Variants in ANO4 observed in about 807,000 individuals in gnomAD.
ANO4 encodes the protein anoctamin 4.
Under a neutral mutation model 141.9 loss-of-function variants are expected in ANO4, and 69 were observed. That is an observed-to-expected ratio of 0.49 (90% CI 0.40 to 0.59). The LOEUF is 0.59. Among genes scored for constraint, ANO4 ranks in the 20% least tolerant of loss-of-function variants. The probability of loss-of-function intolerance (pLI) is 0.00; values close to 1 mark genes in which losing one functional copy is unlikely to be tolerated. For synonymous variants in ANO4, 350 were observed against 394.3 expected (o/e 0.89, Z 1.33); for missense variants, 894 against 1,162.2 (o/e 0.77, Z 3.36).
At chr12:101,025,907 T>G (rs2046715590) in intron 9 of ANO4, among the ~76,000 whole-genome samples, 1 of 152,186 alleles carries the variant, frequency 6.6e-6, no homozygotes, top group African/African-American at 2.4e-5. Flanking sequence ...AGCAAACTAC[T>G]AATAGAAATT....
chr12:100,971,918 C>T (rs767752096), intron 6 of ANO4, among the ~76,000 whole-genome samples: 7 of 151,576 alleles, frequency 4.6e-5, no homozygotes, highest in East Asian at 3.9e-4. Context: ...TTTGCAAACA[C>T]GAATATTGAT....
At chr12:100,746,533 TAGA>T (rs1408730063) in intron 3 of ANO4, among the ~76,000 whole-genome samples, 7 of 151,764 alleles carry the variant, frequency 4.6e-5, no homozygotes, top group Non-Finnish European at 7.4e-5. Flanking sequence ...AGATCCCACT[TAGA>T]AGAATGATTT....
At chr12:100,797,133 T>TAC (rs2034378581) in intron 1 of ANO4, among the ~76,000 whole-genome samples, 1 of 149,894 alleles carries the variant, frequency 6.7e-6, no homozygotes, top group Admixed American at 6.6e-5. Flanking sequence ...TGTGTGTGTA[T>TAC]ATATATATAT....
chr12:100,747,333 GA>G (rs1194672422), intron 3 of ANO4, among the ~76,000 whole-genome samples: 1 of 152,144 alleles, frequency 6.6e-6, no homozygotes, highest in Non-Finnish European at 1.5e-5. Flanking sequence ...CAAAGAGGAA[GA>G]TTTTTTTCCC....
intron 2 of ANO4, among the ~76,000 whole-genome samples, chr12:100,737,676 T>C (rs80144570): frequency 0.01 from 1,533 of 152,352 alleles, 34 homozygotes; most frequent in African/African-American, 0.034. Context: ...GTCTGTCCAG[T>C]GCAAAGCACT....
chr12:100,960,398 A>G (rs891495642), intron 5 of ANO4, among the ~76,000 whole-genome samples: 9 of 152,124 alleles, frequency 5.9e-5, no homozygotes, highest in African/African-American at 2.2e-4. Context: ...ATTTATTGAC[A>G]GTTTTGTATA....
chr12:101,026,778 A>G (rs1411232131), intron 9 of ANO4, among the ~76,000 whole-genome samples: 3 of 152,240 alleles, frequency 2.0e-5, no homozygotes, highest in Non-Finnish European at 4.4e-5. Context: ...TTAAAACCAT[A>G]AAAATTCTAG....
Position 100,934,260 on chromosome 12 carries a change from G to A in ANO4, c.161-5055G>A, listed in dbSNP as rs375743595. 3.3e-5 allele frequency among the ~76,000 whole-genome samples: 5 copies of A among 152,234 alleles called. No homozygotes were observed. In the East Asian group the frequency reaches 7.7e-4, roughly 24 times the overall value. On this transcript the variant is annotated intron_variant, in intron 3 of 27. Transcript: ENST00000392977. Reference sequence around the variant, plus strand: ...AACATTTCAATCTTTAATCCATCTTGAATTAATTTTTGTATAAGGTGTAAG... The same window carrying A: ...AACATTTCAATCTTTAATCCATCTTAAATTAATTTTTGTATAAGGTGTAAG...
At chr12:100,849,213 T>G (rs1049266335) in intron 1 of ANO4, among the ~76,000 whole-genome samples, 1 of 152,158 alleles carries the variant, frequency 6.6e-6, no homozygotes, top group African/African-American at 2.4e-5. Flanking sequence ...TTTACTAGAA[T>G]AGAAAAGAAC....
At chr12:100,803,104 G>T (rs992512807) in intron 1 of ANO4, among the ~76,000 whole-genome samples, 1 of 152,154 alleles carries the variant, frequency 6.6e-6, no homozygotes, top group Non-Finnish European at 1.5e-5. Context: ...CAAGACTAAA[G>T]TTGTCAGAAT....
intron 3 of ANO4, among the ~76,000 whole-genome samples, chr12:100,937,138 G>A (rs2042318350): frequency 6.6e-6 from 1 of 152,166 alleles, no homozygotes; most frequent in South Asian, 2.1e-4. Flanking sequence ...AATGTTAGAG[G>A]AAAAGGGCTC....
chr12:100,874,122 G>T (rs1350986982), intron 1 of ANO4, among the ~76,000 whole-genome samples: 1 of 152,264 alleles, frequency 6.6e-6, no homozygotes. Flanking sequence ...CTAGATTTCA[G>T]AGGATGTATG....
intron 1 of ANO4, among the ~76,000 whole-genome samples, chr12:100,803,066 G>A (rs1316819691): frequency 1.3e-5 from 2 of 152,096 alleles, no homozygotes; most frequent in East Asian, 1.9e-4. Flanking sequence ...AAAGTACTAC[G>A]GACATCAAAG....
intron 9 of ANO4, among the ~76,000 whole-genome samples, chr12:101,032,350 A>C (rs2136561095): frequency 6.6e-6 from 1 of 152,356 alleles, no homozygotes; most frequent in Admixed American, 6.5e-5. Context: ...CCTATTCAAT[A>C]AATGGTGCTG....
intron 17 of ANO4, among the ~76,000 whole-genome samples, chr12:101,089,546 A>G (rs888552055): frequency 2.6e-5 from 4 of 152,178 alleles, no homozygotes; most frequent in African/African-American, 9.7e-5. Context: ...GAAATTAACC[A>G]AACAGCCATA....
chr12:100,841,299 C>T (rs990709332), intron 1 of ANO4, among the ~76,000 whole-genome samples: 2 of 152,098 alleles, frequency 1.3e-5, no homozygotes, highest in African/African-American at 2.4e-5. Flanking sequence ...TGACATCCGC[C>T]AAAATTATAA....
chr12:100,970,659 C>CGCCTTCCTTCCTTCCTT (rs1566071629), intron 5 of ANO4, among the ~76,000 whole-genome samples: 2 of 113,636 alleles, frequency 1.8e-5, no homozygotes, highest in South Asian at 3.2e-4. Flanking sequence ...CTCCCTCCCT[C>CGCCTTCCTTCCTTCCTT]CCTCTCCTTC....
chr12:100,764,576 A>T (rs910280874), intron 3 of ANO4, among the ~76,000 whole-genome samples: 13 of 152,234 alleles, frequency 8.5e-5, no homozygotes, highest in Admixed American at 2.0e-4. Context: ...CCATTAACAC[A>T]TATAATCAGC....
At chr12:100,875,766 T>A (rs1438880961) in intron 1 of ANO4, among the ~76,000 whole-genome samples, 1 of 152,078 alleles carries the variant, frequency 6.6e-6, no homozygotes, top group Admixed American at 6.5e-5. Context: ...GATTCAAGAA[T>A]GACTTTCAGA....
Sources: allele counts gnomAD v4.1 joint callset (sites outside exome capture counted in the v4.1 genomes callset), GRCh38; gene constraint gnomAD v4.1.1; transcripts MANE v1.5; gene names NCBI Gene and HGNC (gene_info 2026-07-23, HGNC 2026-07-21).